The following DNAI4 variants were observed in gnomAD, a reference collection of about 807,000 sequenced individuals.
DNAI4 encodes dynein axonemal intermediate chain 4.
Under a neutral mutation model 105.8 loss-of-function variants are expected in DNAI4, and 85 were observed. The ratio of observed to expected loss-of-function variants is 0.80; its 90% CI spans 0.67 to 0.96. The LOEUF is 0.96. Among genes scored for constraint, DNAI4 ranks in the 40% least tolerant of loss-of-function variants. The pLI is 0.00. For missense variants in DNAI4, 1,014 were observed against 1,005.6 expected (o/e 1.01, Z -0.11); for synonymous variants, 352 against 331.5 (o/e 1.06, Z -0.67).
At chr1:66,889,874 T>G (rs975916877) in intron 4 of DNAI4, among the ~76,000 whole-genome samples, 26 of 152,244 alleles carry the variant, frequency 1.7e-4, no homozygotes, top group African/African-American at 5.1e-4. Flanking sequence ...TTTAAAAACC[T>G]GATTCAAAAG....
chr1:66,861,050 C>T (rs1646615121), intron 7 of DNAI4, among the ~76,000 whole-genome samples: 1 of 151,920 alleles, frequency 6.6e-6, no homozygotes, highest in Non-Finnish European at 1.5e-5. Flanking sequence ...AGTTAAGATT[C>T]AAAGAGACTA....
chr1:66,882,474 T>G (rs1463982163), intron 4 of DNAI4, among the ~76,000 whole-genome samples: 1 of 152,054 alleles, frequency 6.6e-6, no homozygotes, highest in African/African-American at 2.4e-5. Flanking sequence ...CCATTTTGAG[T>G]TAATTTTTGA....
chr1:66,840,785 T>C, intron 8 of DNAI4, 114 bp from the exon 9 acceptor site: 1 of 1,078,684 alleles, frequency 9.3e-7, no homozygotes. Context: ...TCAGATCTGC[T>C]GGATCATATG....
At chr1:66,887,673 A>G (rs2100743259) in intron 4 of DNAI4, among the ~76,000 whole-genome samples, 1 of 152,282 alleles carries the variant, frequency 6.6e-6, no homozygotes, top group South Asian at 2.1e-4. Flanking sequence ...TAGTTATGCT[A>G]TTAAATTTTA....
At chr1:66,892,568 C>T (rs1382986046) in intron 3 of DNAI4, among the ~76,000 whole-genome samples, 1 of 152,092 alleles carries the variant, frequency 6.6e-6, no homozygotes, top group Non-Finnish European at 1.5e-5. Context: ...ACATTAAGAG[C>T]TCTGCATTTA....
At chr1:66,857,026 A>T (rs1375467365) in intron 7 of DNAI4, among the ~76,000 whole-genome samples, 4 of 152,172 alleles carry the variant, frequency 2.6e-5, no homozygotes, top group African/African-American at 9.6e-5. Context: ...AAATTAATAA[A>T]ATCAAAAGTT....
chr1:66,895,563 C>T (rs971200184), intron 2 of DNAI4, among the ~76,000 whole-genome samples: 1 of 152,150 alleles, frequency 6.6e-6, no homozygotes, highest in African/African-American at 2.4e-5. Context: ...TTTCTTTCTT[C>T]CTTTCCAATT....
At chr1:66,862,040 C>T (rs1249641466) in intron 7 of DNAI4, 107 bp downstream of exon 7, 11 of 1,097,932 alleles carry the variant, frequency 1.0e-5, no homozygotes, top group Non-Finnish European at 1.4e-5. Flanking sequence ...AAAAGTTGTA[C>T]TTTTCATGGT....
At chr1:66,828,547 T>C (rs958389985) in intron 13 of DNAI4, 3 of 152,192 alleles carry the variant, frequency 2.0e-5, no homozygotes, top group African/African-American at 4.8e-5. Context: ...TGGAGCACTT[T>C]ACGTTCCTTG....
chr1:66,846,943 T>C (rs1389500411), intron 8 of DNAI4, among the ~76,000 whole-genome samples: 1 of 152,222 alleles, frequency 6.6e-6, no homozygotes, highest in Non-Finnish European at 1.5e-5. Flanking sequence ...ACAGGAAGAA[T>C]GCTTCTGCAA....
intron 8 of DNAI4, among the ~76,000 whole-genome samples, chr1:66,845,177 C>A (rs1253779437): frequency 3.0e-5 from 2 of 67,350 alleles, no homozygotes. Context: ...GGTGACAGAG[C>A]GAAACTCCAT....
Position 66,848,327 on chromosome 1 carries a change from T to C in DNAI4, c.1097-649A>G, listed in dbSNP as rs1303483428. 6.6e-6 allele frequency: 3 copies of C among 451,812 alleles called. No homozygotes were observed. In the Admixed American group the frequency reaches 7.2e-5, roughly 11 times the overall value. The allele number at this position is 451,812 out of a possible 1,614,324, so 28.0% of individuals were successfully genotyped here. On this transcript the variant is annotated intron_variant, in intron 7 of 16. Coordinates refer to ENST00000371026, the MANE Select transcript of DNAI4 (RefSeq NM_024763.5). Reference sequence around the variant, plus strand: ...CAGACCACAGCTGGAAAAGATCTTTTACTTTTTAGTACCCCATGTGATTAG... The same window carrying C: ...CAGACCACAGCTGGAAAAGATCTTTCACTTTTTAGTACCCCATGTGATTAG...
At chr1:66,852,789 G>C (rs935737462) in intron 7 of DNAI4, among the ~76,000 whole-genome samples, 1 of 152,144 alleles carries the variant, frequency 6.6e-6, no homozygotes, top group African/African-American at 2.4e-5. Context: ...TTAGGAGGTA[G>C]GACCTTTGGC....
chr1:66,907,523 T>C (rs1213672789), intron 1 of DNAI4, among the ~76,000 whole-genome samples: 1 of 152,172 alleles, frequency 6.6e-6, no homozygotes, highest in Non-Finnish European at 1.5e-5. Context: ...TAGGCTCAAA[T>C]CTTAGTTACC....
At chr1:66,908,312 G>T (rs190429480) in intron 1 of DNAI4, among the ~76,000 whole-genome samples, 11,421 of 152,128 alleles carry the variant, frequency 0.075, 519 homozygotes, top group African/African-American at 0.13. Context: ...TTACTAAGAG[G>T]AGTCCTCCTC....
At chr1:66,887,693 T>C (rs1023467269) in intron 4 of DNAI4, among the ~76,000 whole-genome samples, 24 of 152,098 alleles carry the variant, frequency 1.6e-4, no homozygotes, top group African/African-American at 5.3e-4. Flanking sequence ...ACTACTACCG[T>C]CCAGAAGTGG....
At chr1:66,822,209 C>T (rs189223901) in intron 16 of DNAI4, 152 bp downstream of exon 16, 57 of 551,678 alleles carry the variant, frequency 1.0e-4, no homozygotes, top group Middle Eastern at 4.6e-4. Flanking sequence ...CCCTAGTAGG[C>T]ACCATGTATA....
At chr1:66,869,210 T>C (rs939392913) in intron 6 of DNAI4, among the ~76,000 whole-genome samples, 9 of 151,818 alleles carry the variant, frequency 5.9e-5, no homozygotes, top group Non-Finnish European at 8.8e-5. Context: ...ATTTACAGAA[T>C]AAACCTCTAA....
At chr1:66,859,132 A>G (rs1229913840) in intron 7 of DNAI4, among the ~76,000 whole-genome samples, 6 of 152,188 alleles carry the variant, frequency 3.9e-5, no homozygotes, top group African/African-American at 1.4e-4. Context: ...TTAAAACTCA[A>G]TAAGAAAACA....
Sources: gnomAD v4.1 joint callset for allele counts (sites outside exome capture counted in the v4.1 genomes callset) on GRCh38, gnomAD v4.1.1 for gene constraint, MANE v1.5 for transcripts, NCBI Gene and HGNC (gene_info 2026-07-23, HGNC 2026-07-21) for gene names.